Variants in MEIKIN observed in about 807,000 individuals in gnomAD.
MEIKIN encodes the protein meiotic kinetochore factor, also known as meiosis-specific kinetochore protein.
At chr5:131,855,676 A>G (rs1750180508) in intron 9 of MEIKIN, among the ~76,000 whole-genome samples, 1 of 152,060 alleles carries the variant, frequency 6.6e-6, no homozygotes, top group African/African-American at 2.4e-5. Flanking sequence ...GAGAGGAAAA[A>G]AGAGAAAGAC....
At chr5:131,911,257 C>T (rs1253811577) in intron 8 of MEIKIN, among the ~76,000 whole-genome samples, 2 of 152,064 alleles carry the variant, frequency 1.3e-5, no homozygotes, top group Non-Finnish European at 2.9e-5. Flanking sequence ...TACATACAAA[C>T]ATTTACAACC....
In MEIKIN at chr5:131,905,402, C is replaced by T. The variant is rs573014012; in HGVS notation, c.703+6413G>A. ...ACTAGAGGAACTAGAAAAACAAGAGCAAATCAACCCCAAAGCTACCAGAAG... is the reference window on the plus strand; with the variant it reads ...ACTAGAGGAACTAGAAAAACAAGAGTAAATCAACCCCAAAGCTACCAGAAG... On this transcript the variant is annotated intron_variant, in intron 8 of 12. Transcript: ENST00000442687. Among the ~76,000 whole-genome samples the T allele has an allele frequency of 2.1e-3, 313 of 151,802 alleles. 1 individual carries two copies. The highest frequency in any genetic ancestry group is 7.4e-3 in the African/African-American group (307 of 41,380).
At position 131,924,088 on chromosome 5, in the gene MEIKIN, C is replaced by G. The variant is rs184698384; in HGVS notation, c.479-2147G>C. On this transcript the variant is annotated intron_variant, in intron 5 of 12. Transcript: ENST00000442687. Reference sequence around the variant, plus strand: ...TAAGTGGAAATATCAAGTATTCGACCCTCTGTGACTGGCTTATTTCATTTA... The same window carrying G: ...TAAGTGGAAATATCAAGTATTCGACGCTCTGTGACTGGCTTATTTCATTTA... Among the ~76,000 whole-genome samples the G allele has an allele frequency of 4.8e-3, 728 of 152,018 alleles. 5 individuals carry two copies. The highest frequency in any genetic ancestry group is 0.017 in the African/African-American group (691 of 41,488).
intron 11 of MEIKIN, among the ~76,000 whole-genome samples, chr5:131,844,780 C>CCTTTTAGGAGATACACAATAT (rs911607840): frequency 6.6e-6 from 1 of 151,982 alleles, no homozygotes; most frequent in African/African-American, 2.4e-5. Context: ...TTTCTTTTCT[C>CCTTTTAGGAGATACACAATAT]CTTTTAGGAG....
At chr5:131,856,830 T>G (rs1750201737) in intron 9 of MEIKIN, among the ~76,000 whole-genome samples, 1 of 151,566 alleles carries the variant, frequency 6.6e-6, no homozygotes, top group Admixed American at 6.6e-5. Context: ...CAGTACATAT[T>G]TATAGTCTTT....
chr5:131,846,096 C>G (rs1561730821), intron 11 of MEIKIN, among the ~76,000 whole-genome samples: 1 of 152,152 alleles, frequency 6.6e-6, no homozygotes, highest in East Asian at 1.9e-4. Context: ...GAAATGTTGG[C>G]TACCAGAAGG....
Position 131,929,624 on chromosome 5 carries a change from T to C in MEIKIN, c.478+3889A>G, listed in dbSNP as rs78369856. 9.4e-3 allele frequency among the ~76,000 whole-genome samples: 1,430 copies of C among 152,264 alleles called. 5 individuals are homozygous for C. Among genetic ancestry groups the C allele is most frequent in the Non-Finnish European group, 0.016 (1,073 of 68,010 alleles). On this transcript the variant is annotated intron_variant, in intron 5 of 12. Transcript: ENST00000442687. ...ACTGGGGCTTGGTGTACAAATGGAT[T>C]TTGTCACCCAGATAGTGAGCATAGT... is the stretch of plus-strand genomic sequence containing the variant.
intron 9 of MEIKIN, among the ~76,000 whole-genome samples, chr5:131,859,731 A>G (rs1750250825): frequency 6.6e-6 from 1 of 152,138 alleles, no homozygotes. Context: ...CAGCCTAATA[A>G]AGGTGAGGAA....
chr5:131,903,865 C>T (rs577523740), intron 8 of MEIKIN, among the ~76,000 whole-genome samples: 3 of 151,690 alleles, frequency 2.0e-5, no homozygotes, highest in African/African-American at 4.8e-5. Context: ...AGAAACAAAA[C>T]CCAACAGTAT....
intron 8 of MEIKIN, among the ~76,000 whole-genome samples, chr5:131,908,960 T>C (rs1751289355): frequency 6.6e-6 from 1 of 152,202 alleles, no homozygotes; most frequent in Non-Finnish European, 1.5e-5. Context: ...TCCATGTTCA[T>C]GGACTGAAAG....
intron 6 of MEIKIN, among the ~76,000 whole-genome samples, chr5:131,920,430 T>C (rs1751484868): frequency 6.6e-6 from 1 of 152,180 alleles, no homozygotes; most frequent in Non-Finnish European, 1.5e-5. Flanking sequence ...ATTAGTGAAA[T>C]AAAGTTTGAG....
intron 4 of MEIKIN, among the ~76,000 whole-genome samples, chr5:131,940,782 T>TGGAAGTCTGCTGTATC (rs1751855717): frequency 6.6e-6 from 1 of 152,198 alleles, no homozygotes; most frequent in African/African-American, 2.4e-5. Flanking sequence ...GTGTCCACAC[T>TGGAAGTCTGCTGTATC]GGAAGTCTGC....
chr5:131,910,537 T>C (rs924756648), intron 8 of MEIKIN, among the ~76,000 whole-genome samples: 2 of 151,996 alleles, frequency 1.3e-5, no homozygotes, highest in Admixed American at 1.3e-4. Flanking sequence ...AGCATGACTG[T>C]AGTAAAAAAT....
At chr5:131,832,687 T>G (rs1170492312) in intron 11 of MEIKIN, among the ~76,000 whole-genome samples, 1 of 152,228 alleles carries the variant, frequency 6.6e-6, no homozygotes, top group African/African-American at 2.4e-5. Context: ...TCTTTTTAAA[T>G]CTAAGAAGAG....
chr5:131,876,168 T>C lies in MEIKIN; in HGVS notation c.774+2810A>G, dbSNP rs188219601. Among the ~76,000 whole-genome samples the C allele has an allele frequency of 2.6e-5, 4 of 152,240 alleles. No homozygotes were observed. The East Asian group carries it at 7.7e-4, about 29-fold the overall frequency. On this transcript the variant is annotated intron_variant, in intron 9 of 12. Transcript: ENST00000442687. Reference sequence around the variant, plus strand: ...ATGGGATCTAATTAAACTAAAGAGATTCGGCACAGCAAAAGAAACTACCAT... The same window carrying C: ...ATGGGATCTAATTAAACTAAAGAGACTCGGCACAGCAAAAGAAACTACCAT...
chr5:131,844,325 CA>C (rs1561730170), intron 11 of MEIKIN, among the ~76,000 whole-genome samples: 2 of 152,208 alleles, frequency 1.3e-5, no homozygotes, highest in South Asian at 2.1e-4. Flanking sequence ...ATATATGAAA[CA>C]ACAGTTTTCA....
At chr5:131,939,953 G>A (rs535808413) in intron 4 of MEIKIN, among the ~76,000 whole-genome samples, 9 of 152,214 alleles carry the variant, frequency 5.9e-5, no homozygotes, top group Non-Finnish European at 8.8e-5. Context: ...TGAGACATTC[G>A]ACAATTATTT....
chr5:131,866,592 G>A (rs2149622167), intron 9 of MEIKIN, among the ~76,000 whole-genome samples: 1 of 152,320 alleles, frequency 6.6e-6, no homozygotes, highest in South Asian at 2.1e-4. Context: ...CCTAGAGCAG[G>A]CAGTGGAATT....
At position 131,916,885 on chromosome 5, in the gene MEIKIN, C is replaced by T. The variant is rs766888527; in HGVS notation, c.638+1G>A. On this transcript the variant is annotated splice_donor_variant, in intron 7 of 12. Coordinates refer to ENST00000442687, the MANE Select transcript of MEIKIN (RefSeq NM_001303622.2). LOFTEE classifies it high-confidence loss of function. Reference sequence around the variant, plus strand: ...ACAATTTTAAAATTTTTAGTTCTTACGTTTTTCTATGGCATTTCTGATAGT... The same window carrying T: ...ACAATTTTAAAATTTTTAGTTCTTATGTTTTTCTATGGCATTTCTGATAGT... 13 of 396,966 alleles carry T rather than the reference C, an allele frequency of 3.3e-5. No homozygotes were observed. Among genetic ancestry groups the T allele is most frequent in the South Asian group, 2.6e-4 (2 of 7,834 alleles). 24.6% of individuals were successfully genotyped at this position (396,966 alleles called of 1,614,324 possible).
Sources: gnomAD v4.1 joint callset for allele counts (sites outside exome capture counted in the v4.1 genomes callset) on GRCh38, gnomAD v4.1.1 for gene constraint, MANE v1.5 for transcripts, NCBI Gene and HGNC (gene_info 2026-07-23, HGNC 2026-07-21) for gene names.